FGF12: variants seen among roughly 807,000 people sequenced by gnomAD.
The protein encoded by FGF12 is fibroblast growth factor 12B.
A neutral mutation model predicts 23.6 loss-of-function variants in FGF12; 14 were observed. The observed-to-expected ratio is 0.59, with a 90% CI of 0.39 to 0.93. The LOEUF (loss-of-function observed/expected upper bound fraction) is 0.93, where lower values mean the gene tolerates loss of function less well. Ranked by LOEUF, FGF12 falls within the 40% of genes least tolerant of loss-of-function variation. The pLI, the probability that FGF12 is intolerant of heterozygous loss-of-function variation, is 0.00. For missense variants in FGF12, 175 were observed against 217.8 expected, an observed-to-expected ratio of 0.80 and a Z score of 1.24; for synonymous variants, 62 against 77.3, an observed-to-expected ratio of 0.80 and a Z score of 1.04.
At chr3:192,161,460 TTAAG>T (rs1326053225) in intron 5 of FGF12, among the ~76,000 whole-genome samples, 4 of 151,322 alleles carry the variant, frequency 2.6e-5, no homozygotes, top group South Asian at 2.1e-4. Context: ...ACACAACTGA[TTAAG>T]TAACTAAATT....
At chr3:192,643,302 A>T (rs969179083) in intron 2 of FGF12, among the ~76,000 whole-genome samples, 4 of 152,164 alleles carry the variant, frequency 2.6e-5, no homozygotes, top group East Asian at 1.9e-4. Context: ...CAAAATTTTT[A>T]AAAAATTATG....
intron 2 of FGF12, among the ~76,000 whole-genome samples, chr3:192,720,905 A>AT (rs907237210): frequency 1.3e-5 from 2 of 152,182 alleles, no homozygotes; most frequent in Admixed American, 6.5e-5. Flanking sequence ...ATGTACCCCG[A>AT]TTAAGACCAT....
At chr3:192,271,917 C>T (rs913355957) in intron 4 of FGF12, among the ~76,000 whole-genome samples, 2 of 152,150 alleles carry the variant, frequency 1.3e-5, no homozygotes, top group Admixed American at 6.6e-5. Context: ...TTTACTGAGA[C>T]GTCTTAAAAC....
At position 192,599,100 on chromosome 3, in the gene FGF12, G is replaced by A. The variant is rs116716170; in HGVS notation, c.13+128081C>T. Among the ~76,000 whole-genome samples, 773 of 151,982 alleles carry A rather than the reference G, an allele frequency of 5.1e-3. 3 individuals are homozygous for A. The highest frequency in any genetic ancestry group is 0.018 in the African/African-American group (744 of 41,446). Reference sequence around the variant, plus strand: ...CACAGGGAGGGGAATATCACACACCGGAGCCTGTAGGGGGTGGGGGACTAG... The same window carrying A: ...CACAGGGAGGGGAATATCACACACCAGAGCCTGTAGGGGGTGGGGGACTAG... On this transcript the variant is annotated intron_variant, in intron 2 of 5. Transcript: ENST00000445105.
chr3:192,382,899 G>T (rs1017883276), intron 2 of FGF12, among the ~76,000 whole-genome samples: 3 of 152,182 alleles, frequency 2.0e-5, no homozygotes, highest in Non-Finnish European at 2.9e-5. Context: ...TAAAAGCTCA[G>T]TAGAGACTGA....
At chr3:192,589,764 C>T (rs1713545599) in intron 2 of FGF12, among the ~76,000 whole-genome samples, 1 of 151,880 alleles carries the variant, frequency 6.6e-6, no homozygotes, top group Non-Finnish European at 1.5e-5. Context: ...CCTTTAGTCC[C>T]TCACTTTACA....
intron 2 of FGF12, among the ~76,000 whole-genome samples, chr3:192,687,830 C>G (rs367978781): frequency 5.3e-5 from 8 of 152,322 alleles, no homozygotes; most frequent in East Asian, 3.9e-4. Flanking sequence ...CAACCCGCAG[C>G]TGACACCTGC....
chr3:192,647,700 T>TAC, intron 2 of FGF12, among the ~76,000 whole-genome samples: 1 of 147,556 alleles, frequency 6.8e-6, no homozygotes, highest in Middle Eastern at 3.7e-3. Flanking sequence ...TATGTATATA[T>TAC]GTGTATATAT....
intron 2 of FGF12, among the ~76,000 whole-genome samples, chr3:192,634,745 A>G (rs531595732): frequency 9.2e-5 from 14 of 152,296 alleles, no homozygotes; most frequent in African/African-American, 2.9e-4. Context: ...AGAAACTTAA[A>G]TTACTTAAAA....
intron 4 of FGF12, among the ~76,000 whole-genome samples, chr3:192,292,226 C>T (rs1714794688): frequency 2.6e-5 from 4 of 152,074 alleles, no homozygotes; most frequent in Admixed American, 2.6e-4. Context: ...ATTGACAAAT[C>T]ACGTGGTTTC....
At chr3:192,462,881 C>A (rs1032657293) in intron 2 of FGF12, among the ~76,000 whole-genome samples, 2 of 152,108 alleles carry the variant, frequency 1.3e-5, no homozygotes, top group African/African-American at 4.8e-5. Flanking sequence ...ATAAGAGAAG[C>A]ACTCTGTAGA....
chr3:192,159,093 A>G (rs1714719960), intron 5 of FGF12, among the ~76,000 whole-genome samples: 1 of 152,014 alleles, frequency 6.6e-6, no homozygotes, highest in Non-Finnish European at 1.5e-5. Flanking sequence ...CTCCCTCCTC[A>G]TTTCTCTACT....
At chr3:192,357,149 C>G (rs1718508389) in intron 3 of FGF12, among the ~76,000 whole-genome samples, 1 of 152,150 alleles carries the variant, frequency 6.6e-6, no homozygotes, top group Admixed American at 6.5e-5. Context: ...ACTTTTATTA[C>G]TTTGTAATTT....
At chr3:192,208,331 A>G (rs1181730019) in intron 4 of FGF12, among the ~76,000 whole-genome samples, 6 of 152,222 alleles carry the variant, frequency 3.9e-5, no homozygotes, top group Non-Finnish European at 5.9e-5. Context: ...CACTGTAGGG[A>G]GTGTGACAAT....
At chr3:192,171,312 A>AT (rs1225244888) in intron 4 of FGF12, among the ~76,000 whole-genome samples, 1 of 152,222 alleles carries the variant, frequency 6.6e-6, no homozygotes, top group Non-Finnish European at 1.5e-5. Flanking sequence ...GAAACACAGA[A>AT]TGAGAGTTCT....
At chr3:192,291,948 A>G (rs746305815) in intron 4 of FGF12, among the ~76,000 whole-genome samples, 20 of 152,248 alleles carry the variant, frequency 1.3e-4, no homozygotes, top group Non-Finnish European at 2.1e-4. Flanking sequence ...TCAAATTGGC[A>G]TTGGGATCAT....
intron 2 of FGF12, among the ~76,000 whole-genome samples, chr3:192,689,188 G>C (rs1717863848): frequency 6.6e-6 from 1 of 152,180 alleles, no homozygotes; most frequent in African/African-American, 2.4e-5. Context: ...GGTGACTACA[G>C]GTAACAACAA....
At chr3:192,711,938 A>C (rs1222887988) in intron 2 of FGF12, among the ~76,000 whole-genome samples, 1 of 132,010 alleles carries the variant, frequency 7.6e-6, no homozygotes, top group Non-Finnish European at 1.5e-5. Context: ...CCCAAGAACG[A>C]TCAAAAAAAA....
chr3:192,210,650 T>C (rs755284181), intron 4 of FGF12, among the ~76,000 whole-genome samples: 10 of 152,204 alleles, frequency 6.6e-5, no homozygotes, highest in African/African-American at 1.2e-4. Context: ...GTATTTGTCA[T>C]AGAATTAAAT....
Sources: allele counts gnomAD v4.1 joint callset (sites outside exome capture counted in the v4.1 genomes callset), GRCh38; gene constraint gnomAD v4.1.1; transcripts MANE v1.5; gene names NCBI Gene and HGNC (gene_info 2026-07-23, HGNC 2026-07-21).